Variants in DNMT1 observed in about 807,000 individuals in gnomAD.
The protein encoded by DNMT1 is DNA (cytosine-5)-methyltransferase 1.
In DNMT1, 24 loss-of-function variants were observed where a neutral mutation model predicts 205.3. That is an observed-to-expected ratio of 0.12 (90% CI 0.08 to 0.16). The LOEUF is 0.16. DNMT1 is among the 10% of genes least tolerant of loss of function. The probability of loss-of-function intolerance (pLI) is 1.00; values close to 1 mark genes in which losing one functional copy is unlikely to be tolerated. For synonymous variants in DNMT1, 817 were observed against 839.8 expected (o/e 0.97, Z 0.47); for missense variants, 1,293 against 2,177.7 (o/e 0.59, Z 8.09).
chr19:10,172,680 C>T (rs996026553), intron 9 of DNMT1, among the ~76,000 whole-genome samples: 4 of 151,556 alleles, frequency 2.6e-5, no homozygotes, highest in Admixed American at 6.6e-5. Flanking sequence ...CCGAGTATGG[C>T]GGCGGGCGCC....
Position 10,155,935 on chromosome 19 carries a change from A to G in DNMT1, c.1410T>C (p.Asn470=), listed in dbSNP as rs1388154627. ...DDDPSLEGGV[N]GKNLGPINEW... ...CATTTATGGGGCCAAGATTTTTGCC[A>G]TTAACACCACCTAGAGCAGAAAAAG... The change falls in exon 19 of 41, where the codon AAT becomes AAC. Residue 470 remains asparagine, a synonymous_variant. Coordinates refer to ENST00000359526, the MANE Select transcript of DNMT1 (RefSeq NM_001130823.3). The G allele has an allele frequency of 6.2e-7, 1 of 1,613,570 alleles. No homozygotes were observed. Among genetic ancestry groups the G allele is most frequent in the South Asian group, 1.1e-5 (1 of 90,956 alleles).
chr19:10,150,495 C>T (rs546434602), intron 24 of DNMT1, among the ~76,000 whole-genome samples: 24 of 152,338 alleles, frequency 1.6e-4, no homozygotes, highest in African/African-American at 5.8e-4. Context: ...TCCTCCCAGC[C>T]CCCTACCCTG....
At chr19:10,175,086 C>CATACAT (rs1388838778) in intron 7 of DNMT1, among the ~76,000 whole-genome samples, 8 of 54,152 alleles carry the variant, frequency 1.5e-4, no homozygotes, top group African/African-American at 5.5e-4. Context: ...TACATACATA[C>CATACAT]ACACACACAC....
intron 13 of DNMT1, among the ~76,000 whole-genome samples, chr19:10,162,295 C>T (rs1366544054): frequency 1.3e-5 from 2 of 151,062 alleles, no homozygotes; most frequent in Non-Finnish European, 3.0e-5. Flanking sequence ...TATGCCACCA[C>T]GCCCAGCTAA....
At chr19:10,144,158 C>T (rs1488265253) in intron 28 of DNMT1, 171 bp from the exon 29 acceptor site, 2 of 736,044 alleles carry the variant, frequency 2.7e-6, no homozygotes, top group Non-Finnish European at 4.7e-6. Flanking sequence ...GCCTGTAATC[C>T]CAGCACTTTG....
intron 22 of DNMT1, among the ~76,000 whole-genome samples, chr19:10,152,824 G>A (rs904412902): frequency 1.3e-5 from 2 of 151,688 alleles, no homozygotes; most frequent in Admixed American, 1.3e-4. Context: ...ATTTGGCTGG[G>A]TGCAGTGCCT....
At chr19:10,160,564 C>G (rs2038547446) in intron 13 of DNMT1, 146 bp from the exon 14 acceptor site, 1 of 796,576 alleles carries the variant, frequency 1.3e-6, no homozygotes, top group East Asian at 2.8e-5. Flanking sequence ...CAGGTGAGCT[C>G]TGACTCACTC....
rs74645606 is a variant in DNMT1 at position 10,143,516 on chromosome 19, T to C, written c.3116+250A>G. On this transcript the variant is annotated intron_variant, in intron 29 of 40. Coordinates refer to ENST00000359526, the MANE Select transcript of DNMT1 (RefSeq NM_001130823.3). ...CTAGGATTAGAGGCGTGAGCTACAGTGCCCAGCCAGCTTAAGGATTTCTTT... is the reference window on the plus strand; with the variant it reads ...CTAGGATTAGAGGCGTGAGCTACAGCGCCCAGCCAGCTTAAGGATTTCTTT... Among the ~76,000 whole-genome samples the C allele has an allele frequency of 2.8e-4, 43 of 151,710 alleles. No homozygotes were observed. The East Asian group carries it at 6.2e-3, about 22-fold the overall frequency.
rs2089528958 is a variant in DNMT1, at chr19:10,138,097, G to A, written c.4116-88C>T. 1 of 1,470,078 alleles carries A rather than the reference G, an allele frequency of 6.8e-7. No individual in the cohort carries two copies. The highest frequency in any genetic ancestry group is 9.3e-7 in the Non-Finnish European group (1 of 1,080,214). The allele number at this position is 1,470,078 out of a possible 1,614,324, so 91.1% of individuals were successfully genotyped here. A position where few individuals can be genotyped will look rare whatever the true frequency, so the allele number is the denominator to read the frequency against. ...GGTGCCACCCCCTGCCTGCTCAGAT[G>A]GCCTTCTCCCGAGATCACAGCACTG... On this transcript the variant is annotated intron_variant, in intron 35 of 40. Transcript: ENST00000359526. This position sits in a 1 kb window ranked among gnomAD's most constrained non-coding sequence, Gnocchi z 4.1.
At chr19:10,155,813 T>C in intron 19 of DNMT1, 40 bp downstream of exon 19, 1 of 1,594,642 alleles carries the variant, frequency 6.3e-7, no homozygotes, top group Non-Finnish European at 8.6e-7. Context: ...TGAAGGCCCC[T>C]TTCAGACCCC....
Position 10,151,356 on chromosome 19 carries a change from G to T in DNMT1, c.2265+42C>A. On this transcript the variant is annotated intron_variant, in intron 24 of 40. Coordinates refer to ENST00000359526, the MANE Select transcript of DNMT1 (RefSeq NM_001130823.3). The surrounding 1 kb of genome is among the most constrained non-coding windows in gnomAD (Gnocchi z 5.0). ...GATACTAGAGGGCAACCTGCTTATT[G>T]GGAACATGGCAGTGAGCTGACCAAG... The T allele has an allele frequency of 6.2e-7, 1 of 1,607,398 alleles. No individual in the cohort carries two copies.
rs2089532640 is a variant in DNMT1 at position 10,138,297 on chromosome 19, T to C, written c.4115+142A>G. 2.3e-6 allele frequency: 3 copies of C among 1,318,746 alleles called. No homozygotes were observed. The highest frequency in any genetic ancestry group is 3.2e-6 in the Non-Finnish European group (3 of 946,868). The allele number at this position is 1,318,746 out of a possible 1,614,324, so 81.7% of individuals were successfully genotyped here. ...GAACTGGAGACCACAGGTGGCAGAG[T>C]GCCATGTGGCAGAGCACCGTGTGGC... On this transcript the variant is annotated intron_variant, in intron 35 of 40. Transcript: ENST00000359526. This position sits in a 1 kb window ranked among gnomAD's most constrained non-coding sequence, Gnocchi z 4.1.
chr19:10,167,037 C>T (rs2038710180), intron 10 of DNMT1, among the ~76,000 whole-genome samples: 1 of 152,162 alleles, frequency 6.6e-6, no homozygotes, highest in Non-Finnish European at 1.5e-5. Flanking sequence ...GTGCGATCAG[C>T]GTCAGTCAGT....
chr19:10,165,182 G>T (rs902854813), intron 11 of DNMT1, among the ~76,000 whole-genome samples: 1 of 151,984 alleles, frequency 6.6e-6, no homozygotes, highest in Non-Finnish European at 1.5e-5. Flanking sequence ...GAGGCGGGAA[G>T]ATCACCTGAG....
Position 10,137,612 on chromosome 19 carries a change from TG to T in DNMT1, c.4293+219del. On this transcript the variant is annotated intron_variant, in intron 36 of 40. Transcript: ENST00000359526. The surrounding 1 kb of genome is among the most constrained non-coding windows in gnomAD (Gnocchi z 6.4). ...GGGGAAGGCAGTGGTGGGTGGGCAG[TG>T]GCTTGACACCATTCCAGACCAAGTC... The T allele has an allele frequency of 1.4e-6, 1 of 698,986 alleles. No individual in the cohort carries two copies. 43.3% of individuals were successfully genotyped at this position (698,986 alleles called of 1,614,324 possible).
rs890237711 is a variant in DNMT1, at chr19:10,140,150, C to T, written c.3702G>A (p.Glu1234=). 8.7e-6 allele frequency: 14 copies of T among 1,613,836 alleles called. No individual in the cohort carries two copies. The highest frequency in any genetic ancestry group is 1.7e-5 in the Admixed American group (1 of 60,006). Residue 1234 remains glutamate, a synonymous_variant, in exon 33 of 41, where the codon GAG becomes GAA. Transcript: ENST00000359526. The surrounding 1 kb of genome is among the most constrained non-coding windows in gnomAD (Gnocchi z 8.4). ...GQRLPQKGDV[E]MLCGGPPCQG... The stretch of plus-strand genomic sequence containing the variant: ...GGCAGGGCGGCCCGCCGCACAGCAT[C>T]TCCACGTCTCCCTTCTGGGGCAGCC...
chr19:10,163,396 G>T, intron 11 of DNMT1, 36 bp from the exon 12 acceptor site: 1 of 1,609,780 alleles, frequency 6.2e-7, no homozygotes, highest in Non-Finnish European at 8.5e-7. Flanking sequence ...GAGAGATAAA[G>T]AAGGGAAAAA....
At chr19:10,166,724 C>A in intron 10 of DNMT1, 39 bp from the exon 11 acceptor site, 4 of 1,607,814 alleles carry the variant, frequency 2.5e-6, no homozygotes, top group Non-Finnish European at 3.4e-6. Flanking sequence ...CTGGTCAGCT[C>A]GGGGGGGGCC....
At chr19:10,190,008 T>C (rs1045260835) in intron 1 of DNMT1, among the ~76,000 whole-genome samples, 2 of 152,152 alleles carry the variant, frequency 1.3e-5, no homozygotes, top group African/African-American at 4.8e-5. Flanking sequence ...GCCATACGGC[T>C]GGCAAGTAGG....
Sources: allele counts gnomAD v4.1 joint callset (sites outside exome capture counted in the v4.1 genomes callset), GRCh38; gene constraint gnomAD v4.1.1; non-coding constraint Gnocchi (gnomAD v3.1); transcripts MANE v1.5; gene names NCBI Gene and HGNC (gene_info 2026-07-23, HGNC 2026-07-21).